SYNRG: variants seen among roughly 807,000 people sequenced by gnomAD.
SYNRG encodes AP1 gamma subunit binding protein 1.
A neutral mutation model predicts 130.9 loss-of-function variants in SYNRG; 37 were observed. The observed-to-expected ratio is 0.28, with a 90% CI of 0.22 to 0.37. The LOEUF (loss-of-function observed/expected upper bound fraction) is 0.37. Ranked by LOEUF, SYNRG falls within the 10% of genes least tolerant of loss-of-function variation. SYNRG has a pLI of 1.00. For synonymous variants in SYNRG, 539 were observed against 568.1 expected (o/e 0.95, Z 0.73); for missense variants, 1,338 against 1,588.9 (o/e 0.84, Z 2.68).
chr17:37,591,216 CATT>C (rs2062161815), intron 3 of SYNRG, among the ~76,000 whole-genome samples: 1 of 152,046 alleles, frequency 6.6e-6, no homozygotes, highest in Non-Finnish European at 1.5e-5. Flanking sequence ...TAAAAAACGC[CATT>C]ATAATTACTC....
Position 37,609,388 on chromosome 17 carries a change from G to A in SYNRG, c.-33C>T, listed in dbSNP as rs1214521269. 5.7e-6 allele frequency: 8 copies of A among 1,397,836 alleles called. No homozygotes were observed. The highest frequency in any genetic ancestry group is 6.7e-5 in the Admixed American group (2 of 29,706). 86.6% of individuals were successfully genotyped at this position (1,397,836 alleles called of 1,614,324 possible). On this transcript the variant is annotated 5_prime_UTR_variant, in exon 1 of 22. Coordinates refer to ENST00000612223, the MANE Select transcript of SYNRG (RefSeq NM_007247.6). ...CCGACCTGCCGCTGCCTTCGCCGCC[G>A]CCACCTTATCAGCAGCTGTCAGCTG...
At chr17:37,559,334 A>T (rs2059352370) in intron 13 of SYNRG, among the ~76,000 whole-genome samples, 1 of 151,446 alleles carries the variant, frequency 6.6e-6, no homozygotes, top group Non-Finnish European at 1.5e-5. Flanking sequence ...GTGAAAGGCT[A>T]AAAAAAACCA....
intron 2 of SYNRG, 120 bp from the exon 3 acceptor site, chr17:37,596,464 G>A: frequency 9.6e-7 from 1 of 1,040,260 alleles, no homozygotes; most frequent in Non-Finnish European, 1.4e-6. Context: ...AAAGCACAGG[G>A]TCCTGAGTGA....
chr17:37,580,898 A>G (rs550906129), intron 6 of SYNRG, among the ~76,000 whole-genome samples: 7 of 151,960 alleles, frequency 4.6e-5, no homozygotes, highest in Admixed American at 6.6e-5. Context: ...TTGAACTCCT[A>G]ACCTCAGGTG....
rs184028018 is a variant in SYNRG, at chr17:37,561,101, T to C, written c.1663+94A>G. On this transcript the variant is annotated intron_variant, in intron 13 of 21. Coordinates refer to ENST00000612223, the MANE Select transcript of SYNRG (RefSeq NM_007247.6). The stretch of plus-strand genomic sequence containing the variant: ...CCTAAACACACAGACACACACACAC[T>C]AAAATAAAGGGAATGCCACTGAAAG... The C allele has an allele frequency of 4.3e-5, 46 of 1,072,062 alleles. No individual in the cohort carries two copies. The African/African-American group carries it at 4.6e-4, about 11-fold the overall frequency. The allele number at this position is 1,072,062 out of a possible 1,614,324, so 66.4% of individuals were successfully genotyped here. A position where few individuals can be genotyped will look rare whatever the true frequency, so the allele number is the denominator to read the frequency against.
chr17:37,584,853 T>G (rs2061578088), intron 5 of SYNRG, 94 bp from the exon 6 acceptor site: 1 of 920,682 alleles, frequency 1.1e-6, no homozygotes, highest in African/African-American at 1.6e-5. Flanking sequence ...ATTCATCTAT[T>G]TCCAATATTT....
chr17:37,536,053 GTT>G lies in SYNRG; in HGVS notation c.3590_3591del (p.Lys1197ThrfsTer10). On this transcript the variant is annotated frameshift_variant, in exon 19 of 22. Transcript: ENST00000612223. LOFTEE classifies it high-confidence loss of function. ...GIKATAVCSE[K>X]LQQLLKDIDK... is the part of the protein sequence containing the mutation. ...TCGATGTCCTTCAGCAACTGCTGGA[GTT>G]TCTCACTGCACACTGCAGTGGCTTT... is the stretch of plus-strand genomic sequence containing the variant. 1 of 1,614,166 alleles carries G rather than the reference GTT, an allele frequency of 6.2e-7. No individual in the cohort carries two copies. Among genetic ancestry groups the G allele is most frequent in the Non-Finnish European group, 8.5e-7 (1 of 1,180,034 alleles).
intron 10 of SYNRG, 110 bp from the exon 11 acceptor site, chr17:37,569,034 C>G: frequency 8.5e-7 from 1 of 1,175,238 alleles, no homozygotes; most frequent in Non-Finnish European, 1.2e-6. Flanking sequence ...AGTTTAGATA[C>G]ATTAACTCAA....
Position 37,606,080 on chromosome 17 carries a change from T to C in SYNRG, c.77+3199A>G, listed in dbSNP as rs756721442. ...AACTATGAAATGATTTCCCTGAAAC[T>C]GAATTTCCTTAGTTTAAACTCAAGG... On this transcript the variant is annotated intron_variant, in intron 1 of 21. Coordinates refer to ENST00000612223, the MANE Select transcript of SYNRG (RefSeq NM_007247.6). 5.5e-4 allele frequency: 503 copies of C among 915,482 alleles called. 1 individual carries two copies. Among genetic ancestry groups the C allele is most frequent in the Non-Finnish European group, 6.4e-4 (490 of 766,320 alleles). The allele number at this position is 915,482 out of a possible 1,614,324, so 56.7% of individuals were successfully genotyped here.
intron 2 of SYNRG, among the ~76,000 whole-genome samples, chr17:37,598,331 C>A (rs559051204): frequency 6.6e-6 from 1 of 152,150 alleles, no homozygotes; most frequent in South Asian, 2.1e-4. Flanking sequence ...CCAAGCCATG[C>A]AGATGTTTGG....
At chr17:37,577,211 A>G (rs2060906106) in intron 7 of SYNRG, among the ~76,000 whole-genome samples, 169 bp downstream of exon 7, 1 of 152,248 alleles carries the variant, frequency 6.6e-6, no homozygotes, top group Admixed American at 6.5e-5. Flanking sequence ...AAGAATTCAG[A>G]GCAAAATCTT....
intron 19 of SYNRG, among the ~76,000 whole-genome samples, chr17:37,530,802 G>A (rs147808697): frequency 6.0e-4 from 92 of 152,306 alleles, no homozygotes; most frequent in Non-Finnish European, 4.0e-4. Context: ...GCCTTTTAGG[G>A]GCAGTGATGT....
Position 37,555,009 on chromosome 17 carries a change from G to C in SYNRG, c.1664-950C>G, listed in dbSNP as rs559376750. ...TGACACAGCTCTCAAGAGATCCTGA[G>C]AAACATGTGTCTCAGATTTGTTTAT... is the stretch of plus-strand genomic sequence containing the variant. On this transcript the variant is annotated intron_variant, in intron 13 of 21. Transcript: ENST00000612223. Among the ~76,000 whole-genome samples the C allele has an allele frequency of 6.2e-4, 94 of 152,162 alleles. 1 individual carries two copies. The highest frequency in any genetic ancestry group is 3.9e-3 in the Admixed American group (60 of 15,284).
At chr17:37,585,500 T>G in intron 4 of SYNRG, 70 bp from the exon 5 acceptor site, 1 of 1,107,228 alleles carries the variant, frequency 9.0e-7, no homozygotes, top group African/African-American at 1.6e-5. Flanking sequence ...TTCAGATTTC[T>G]AACAGTTTCA....
intron 8 of SYNRG, 46 bp from the exon 9 acceptor site, chr17:37,572,033 G>A: frequency 1.3e-6 from 2 of 1,520,206 alleles, no homozygotes; most frequent in Non-Finnish European, 1.8e-6. Context: ...CATTCCAAGT[G>A]ATTTATTTTT....
At chr17:37,579,898 T>C (rs1437940111) in intron 6 of SYNRG, among the ~76,000 whole-genome samples, 1 of 152,092 alleles carries the variant, frequency 6.6e-6, no homozygotes, top group Non-Finnish European at 1.5e-5. Context: ...CTTTTTTTTT[T>C]TCATAGAGAT....
rs1035687461 is a variant in SYNRG, at chr17:37,561,316, G to A, written c.1601-59C>T. On this transcript the variant is annotated intron_variant, in intron 12 of 21. Transcript: ENST00000612223. ...TAGGAATCTTGAAATCACAGCTCCA[G>A]GAAGTGAGGCAGATTGGTTTAACCA... 5.1e-6 allele frequency: 8 copies of A among 1,572,240 alleles called. No individual in the cohort carries two copies. In the African/African-American group the frequency reaches 9.5e-5, roughly 19 times the overall value.
intron 19 of SYNRG, among the ~76,000 whole-genome samples, chr17:37,529,376 G>T (rs1017759885): frequency 7.9e-5 from 12 of 152,126 alleles, no homozygotes; most frequent in African/African-American, 2.4e-4. Flanking sequence ...TTATATCTGA[G>T]TAGGGTGATG....
intron 9 of SYNRG, 152 bp downstream of exon 9, chr17:37,571,639 T>A (rs1027667013): frequency 1.5e-6 from 1 of 687,782 alleles, no homozygotes; most frequent in African/African-American, 1.8e-5. Flanking sequence ...ATTATGCACA[T>A]CTTATAAACT....
Sources: allele counts gnomAD v4.1 joint callset (sites outside exome capture counted in the v4.1 genomes callset), GRCh38; gene constraint gnomAD v4.1.1; transcripts MANE v1.5; gene names NCBI Gene and HGNC (gene_info 2026-07-23, HGNC 2026-07-21).